PABPC4L: variants seen among roughly 807,000 people sequenced by gnomAD.
PABPC4L encodes polyadenylate-binding protein 4-like.
For synonymous variants in PABPC4L, 169 were observed against 164.1 expected (o/e 1.03, Z -0.23); for missense variants, 452 against 451.4 (o/e 1.00, Z -0.01).
At chr4:134,154,740 A>T in the PABPC4L span, among the ~76,000 whole-genome samples, 35 of 152,162 alleles carry the variant, frequency 2.3e-4, no homozygotes, top group African/African-American at 8.4e-4. Context: ...GTTTTTAAAC[A>T]TTCTAATGAC....
chr4:134,151,557 T>C, the PABPC4L span, among the ~76,000 whole-genome samples: 2 of 152,072 alleles, frequency 1.3e-5, no homozygotes, highest in African/African-American at 4.8e-5. Context: ...GTCATTTATA[T>C]CCTAACAATA....
chr4:134,015,304 T>G, the PABPC4L span, among the ~76,000 whole-genome samples: 1 of 152,148 alleles, frequency 6.6e-6, no homozygotes, highest in East Asian at 1.9e-4. Context: ...TAGTTCAGGA[T>G]CTGAGCCTTA....
the PABPC4L span, among the ~76,000 whole-genome samples, chr4:133,960,543 T>C: frequency 6.6e-6 from 1 of 152,120 alleles, no homozygotes; most frequent in Non-Finnish European, 1.5e-5. Context: ...TTTGTAATAA[T>C]TTGGACCAGT....
the PABPC4L span, among the ~76,000 whole-genome samples, chr4:133,995,385 C>T: frequency 6.6e-6 from 1 of 152,146 alleles, no homozygotes; most frequent in African/African-American, 2.4e-5. Flanking sequence ...CAGTCCCCAC[C>T]AGTTGACATG....
At chr4:134,131,709 G>A in the PABPC4L span, among the ~76,000 whole-genome samples, 2 of 8,756 alleles carry the variant, frequency 2.3e-4, no homozygotes, top group South Asian at 4.2e-3. Context: ...AAATTCCTGT[G>A]AAACCAAAAA....
the PABPC4L span, among the ~76,000 whole-genome samples, chr4:134,143,065 T>C: frequency 1.3e-5 from 2 of 151,514 alleles, no homozygotes; most frequent in Non-Finnish European, 3.0e-5. Flanking sequence ...CATAAAATAC[T>C]ACAAACCTCC....
the PABPC4L span, among the ~76,000 whole-genome samples, chr4:134,063,963 A>G: frequency 6.6e-6 from 1 of 152,062 alleles, no homozygotes; most frequent in Non-Finnish European, 1.5e-5. Context: ...CATATATCCA[A>G]GGACACTCCT....
chr4:134,183,306 G>A, the PABPC4L span, among the ~76,000 whole-genome samples: 1 of 151,874 alleles, frequency 6.6e-6, no homozygotes, highest in Admixed American at 6.6e-5. Context: ...GTCCTCTGTT[G>A]CAACATAGAT....
chr4:134,084,315 G>A, the PABPC4L span, among the ~76,000 whole-genome samples: 2 of 152,054 alleles, frequency 1.3e-5, no homozygotes, highest in Admixed American at 1.3e-4. Flanking sequence ...CCAGGGTGCT[G>A]GGTTACAGAT....
At chr4:134,051,919 C>T in the PABPC4L span, among the ~76,000 whole-genome samples, 1 of 151,936 alleles carries the variant, frequency 6.6e-6, no homozygotes, top group Non-Finnish European at 1.5e-5. Context: ...AAATAGGTTA[C>T]AGGATTAGAT....
the PABPC4L span, among the ~76,000 whole-genome samples, chr4:134,078,134 C>T: frequency 6.6e-6 from 1 of 152,276 alleles, no homozygotes; most frequent in South Asian, 2.1e-4. Flanking sequence ...CTGGACTTAA[C>T]ATAAGTAATA....
chr4:134,101,100 T>C, the PABPC4L span, among the ~76,000 whole-genome samples: 14 of 151,630 alleles, frequency 9.2e-5, no homozygotes, highest in Admixed American at 5.3e-4. Context: ...GCTTAAATAA[T>C]AATTACATAA....
the PABPC4L span, among the ~76,000 whole-genome samples, chr4:134,094,171 G>A: frequency 0.013 from 1,933 of 151,936 alleles, 43 homozygotes; most frequent in African/African-American, 0.041. Context: ...AATGTGTTAC[G>A]AAGCTTGATG....
the PABPC4L span, among the ~76,000 whole-genome samples, chr4:133,996,423 G>A: frequency 6.6e-5 from 10 of 152,240 alleles, no homozygotes; most frequent in East Asian, 7.7e-4. Flanking sequence ...TTGAGCCTGC[G>A]AGACGAAGGC....
At chr4:134,168,310 TA>T in the PABPC4L span, among the ~76,000 whole-genome samples, 3 of 151,946 alleles carry the variant, frequency 2.0e-5, no homozygotes, top group Admixed American at 2.0e-4. Context: ...AATAAATGCC[TA>T]CATGAAAATA....
chr4:134,074,798 C>T, the PABPC4L span, among the ~76,000 whole-genome samples: 8 of 152,092 alleles, frequency 5.3e-5, no homozygotes, highest in Admixed American at 1.3e-4. Flanking sequence ...AAAAGTCCCT[C>T]ATAAAACTAC....
the PABPC4L span, among the ~76,000 whole-genome samples, chr4:133,966,942 C>T: frequency 6.6e-6 from 1 of 152,012 alleles, no homozygotes; most frequent in African/African-American, 2.4e-5. Flanking sequence ...GTACCTTGAT[C>T]TTTAAGGTGG....
At chr4:134,028,529 C>A in the PABPC4L span, among the ~76,000 whole-genome samples, 1 of 151,418 alleles carries the variant, frequency 6.6e-6, no homozygotes, top group African/African-American at 2.4e-5. Flanking sequence ...TAGCTGACTT[C>A]TTGACTAGGT....
chr4:134,141,509 T>C, the PABPC4L span, among the ~76,000 whole-genome samples: 5 of 149,954 alleles, frequency 3.3e-5, no homozygotes, highest in South Asian at 4.2e-4. Context: ...AACTATTATA[T>C]GTAATTATAA....
Sources: gnomAD v4.1 joint callset for allele counts (sites outside exome capture counted in the v4.1 genomes callset) on GRCh38, gnomAD v4.1.1 for gene constraint, MANE v1.5 for transcripts, NCBI Gene and HGNC (gene_info 2026-07-23, HGNC 2026-07-21) for gene names.